Variants in SOS2 observed in about 807,000 individuals in gnomAD.
SOS2 encodes SOS Ras/Rho guanine nucleotide exchange factor 2, also known as son of sevenless homolog 2.
In SOS2, 65 loss-of-function variants were observed where a neutral mutation model predicts 148.2. That is an observed-to-expected ratio of 0.44 (90% CI 0.36 to 0.54). SOS2 has a LOEUF of 0.54. Among genes scored for constraint, SOS2 ranks in the 20% least tolerant of loss-of-function variants. The pLI is 0.00. For synonymous variants in SOS2, 539 were observed against 537.1 expected (o/e 1.00, Z -0.05); for missense variants, 1,341 against 1,590.2 (o/e 0.84, Z 2.67).
Position 50,153,143 on chromosome 14 carries a change from T to C in SOS2, c.2088A>G (p.Glu696=), listed in dbSNP as rs1371664428. The C allele has an allele frequency of 3.1e-6, 5 of 1,604,456 alleles. No individual in the cohort carries two copies. In the South Asian group the frequency reaches 3.3e-5, roughly 11 times the overall value. ...CTCTTTCAAAGTCATAAAAATGATG[T>C]TCAACCCAATGCCGAAATACATTTA... ...RILNVFRHWV[E]HHFYDFERDL... Residue 696 remains glutamate (E), a synonymous_variant, in exon 13 of 23, where the codon GAA becomes GAG. Coordinates refer to ENST00000216373, the MANE Select transcript of SOS2 (RefSeq NM_006939.4).
intron 1 of SOS2, among the ~76,000 whole-genome samples, chr14:50,227,040 A>G (rs1887399177): frequency 6.6e-6 from 1 of 152,206 alleles, no homozygotes; most frequent in South Asian, 2.1e-4. Context: ...ATAATTTAGC[A>G]GTAATGTTAA....
At chr14:50,177,376 T>C (rs1415880870) in intron 7 of SOS2, among the ~76,000 whole-genome samples, 2 of 152,206 alleles carry the variant, frequency 1.3e-5, no homozygotes, top group African/African-American at 4.8e-5. Context: ...TTTTTGTTTT[T>C]AGTTTTATTA....
In SOS2 at chr14:50,153,269, G is replaced by T. The variant is rs143159687; in HGVS notation, c.2058-96C>A. The T allele has an allele frequency of 4.0e-5, 27 of 673,804 alleles. No homozygotes were observed. In the East Asian group the frequency reaches 6.9e-4, roughly 17 times the overall value. The allele number at this position is 673,804 out of a possible 1,614,324, so 41.7% of individuals were successfully genotyped here. ...CCACGATAATAGCTTTACATACAAG[G>T]GTCAACATAATACTCAAAGACTCTC... On this transcript the variant is annotated intron_variant, in intron 12 of 22. Coordinates refer to ENST00000216373, the MANE Select transcript of SOS2 (RefSeq NM_006939.4).
At chr14:50,197,335 A>G (rs993570837) in intron 4 of SOS2, among the ~76,000 whole-genome samples, 17 of 152,352 alleles carry the variant, frequency 1.1e-4, no homozygotes, top group Non-Finnish European at 5.9e-5. Context: ...AGCCTGGCAG[A>G]TAACTCCTTA....
At chr14:50,207,330 T>C (rs1332382140) in intron 1 of SOS2, among the ~76,000 whole-genome samples, 1 of 151,460 alleles carries the variant, frequency 6.6e-6, no homozygotes, top group East Asian at 2.0e-4. Flanking sequence ...CTGGGCAACA[T>C]GGCAAGACCT....
intron 1 of SOS2, among the ~76,000 whole-genome samples, chr14:50,209,550 C>T (rs1227091719): frequency 3.3e-5 from 5 of 151,870 alleles, no homozygotes; most frequent in East Asian, 1.9e-4. Flanking sequence ...GAGGATCGCT[C>T]GAGCCCAGGA....
chr14:50,154,390 A>G (rs968815005), intron 12 of SOS2, among the ~76,000 whole-genome samples: 8 of 152,208 alleles, frequency 5.3e-5, no homozygotes, highest in African/African-American at 1.9e-4. Context: ...CAACTTGAAC[A>G]TTGTTGGTGA....
chr14:50,190,067 G>A (rs1886079742), intron 4 of SOS2, among the ~76,000 whole-genome samples: 1 of 151,604 alleles, frequency 6.6e-6, no homozygotes, highest in Non-Finnish European at 1.5e-5. Context: ...TATTCAGGCT[G>A]GTCTCGAGCT....
intron 1 of SOS2, among the ~76,000 whole-genome samples, chr14:50,209,274 C>CGCGTGTGTGTGTGTGTGTGT (rs1415473469): frequency 1.7e-5 from 2 of 118,276 alleles, no homozygotes; most frequent in African/African-American, 2.9e-5. Context: ...CCTTAAATGT[C>CGCGTGTGTGTGTGTGTGTGT]GTGTGTGTGT....
At chr14:50,203,066 G>A (rs1426430148) in intron 2 of SOS2, among the ~76,000 whole-genome samples, 4 of 151,978 alleles carry the variant, frequency 2.6e-5, no homozygotes, top group Admixed American at 6.6e-5. Context: ...GGCTGAGGCT[G>A]GAGGACAACT....
intron 18 of SOS2, among the ~76,000 whole-genome samples, chr14:50,134,786 A>C (rs577556639): frequency 2.6e-5 from 4 of 152,150 alleles, no homozygotes; most frequent in Non-Finnish European, 4.4e-5. Flanking sequence ...GTCAAGAATG[A>C]TTATAGGCCG....
At chr14:50,228,715 C>A (rs1887454870) in intron 1 of SOS2, among the ~76,000 whole-genome samples, 1 of 152,202 alleles carries the variant, frequency 6.6e-6, no homozygotes, top group Admixed American at 6.5e-5. Context: ...CCTTACTGAA[C>A]TCTGAGCTCA....
intron 8 of SOS2, among the ~76,000 whole-genome samples, chr14:50,163,713 T>C (rs1566833024): frequency 6.6e-6 from 1 of 152,246 alleles, no homozygotes; most frequent in Non-Finnish European, 1.5e-5. Context: ...ACAGAAAGTC[T>C]TCTCAGCTCC....
intron 7 of SOS2, 91 bp from the exon 8 acceptor site, chr14:50,174,643 GAGATAC>G: frequency 1.7e-6 from 1 of 573,296 alleles, no homozygotes; most frequent in South Asian, 3.2e-5. Context: ...CTAAAAATTT[GAGATAC>G]AGACTTATCA....
chr14:50,126,361 A>G (rs962260114), intron 21 of SOS2, among the ~76,000 whole-genome samples: 4 of 152,188 alleles, frequency 2.6e-5, no homozygotes, highest in Non-Finnish European at 4.4e-5. Flanking sequence ...CTTTGCATCC[A>G]TTGACTAAAG....
intron 19 of SOS2, among the ~76,000 whole-genome samples, chr14:50,132,866 C>A (rs778342773): frequency 2.0e-4 from 30 of 152,160 alleles, no homozygotes; most frequent in African/African-American, 7.0e-4. Flanking sequence ...CACAACAATG[C>A]TCCTGCTCAT....
intron 1 of SOS2, among the ~76,000 whole-genome samples, chr14:50,221,244 GCTTT>G (rs1887193914): frequency 6.6e-6 from 1 of 151,692 alleles, no homozygotes; most frequent in African/African-American, 2.4e-5. Context: ...AAAAATAATT[GCTTT>G]TTTTCCCCTG....
Position 50,119,530 on chromosome 14 carries a change from T to A in SOS2, c.3490-677A>T, listed in dbSNP as rs551082175. Among the ~76,000 whole-genome samples, 108 of 151,708 alleles carry A rather than the reference T, an allele frequency of 7.1e-4. 2 individuals carry two copies. In the South Asian group the frequency reaches 0.02, roughly 29 times the overall value. On this transcript the variant is annotated intron_variant, in intron 22 of 22. Transcript: ENST00000216373. ...ACTTCCAGCCTCTTTTTTATTTTTT[T>A]ATTTTTATTTTTAGTTTTTGAGACA...
At chr14:50,130,385 C>A (rs1883829419) in intron 20 of SOS2, 116 bp downstream of exon 20, 1 of 805,822 alleles carries the variant, frequency 1.2e-6, no homozygotes, top group African/African-American at 1.7e-5. Flanking sequence ...ATTTAGATAT[C>A]ACTTTTCACA....
Sources: allele counts gnomAD v4.1 joint callset (sites outside exome capture counted in the v4.1 genomes callset), GRCh38; gene constraint gnomAD v4.1.1; transcripts MANE v1.5; gene names NCBI Gene and HGNC (gene_info 2026-07-23, HGNC 2026-07-21).